The following FAM151B variants were observed in gnomAD, a reference collection of about 807,000 sequenced individuals.
FAM151B encodes the protein protein FAM151B.
FAM151B carries 24 observed loss-of-function variants against 31.2 expected under a neutral mutation model. The observed-to-expected ratio is 0.77, with a 90% confidence interval of 0.56 to 1.08. The LOEUF (loss-of-function observed/expected upper bound fraction) is 1.08, where lower values mean the gene tolerates loss of function less well. FAM151B is among the 50% of genes least tolerant of loss of function. The pLI is 0.00. For synonymous variants in FAM151B, 105 were observed against 111.4 expected (o/e 0.94, Z 0.36); for missense variants, 293 against 328.6 (o/e 0.89, Z 0.84).
intron 5 of FAM151B, among the ~76,000 whole-genome samples, chr5:80,527,585 G>C (rs1029366868): frequency 6.6e-6 from 1 of 152,110 alleles, no homozygotes; most frequent in African/African-American, 2.4e-5. Context: ...GAATAATGTA[G>C]GTAATTATAA....
chr5:80,511,603 C>A (rs1744190858), intron 2 of FAM151B, among the ~76,000 whole-genome samples: 1 of 151,658 alleles, frequency 6.6e-6, no homozygotes, highest in South Asian at 2.1e-4. Flanking sequence ...TATTATTTAT[C>A]TTTAAAAAAA....
chr5:80,492,954 A>T (rs570906125), intron 1 of FAM151B, among the ~76,000 whole-genome samples: 1 of 151,828 alleles, frequency 6.6e-6, no homozygotes, highest in African/African-American at 2.4e-5. Flanking sequence ...ACTTGTCTCT[A>T]AAAAAAACAA....
At chr5:80,488,228 C>G (rs1743182060) in intron 1 of FAM151B, 80 bp downstream of exon 1, 1 of 1,468,966 alleles carries the variant, frequency 6.8e-7, no homozygotes. Context: ...CCTTTGCGGG[C>G]TCCCGCGGTC....
At chr5:80,531,018 A>G (rs369706421) in intron 5 of FAM151B, among the ~76,000 whole-genome samples, 7 of 152,256 alleles carry the variant, frequency 4.6e-5, no homozygotes, top group South Asian at 2.1e-4. Context: ...AAAACAGCAT[A>G]GTACTGGTAC....
chr5:80,539,654 G>C lies in FAM151B; in HGVS notation c.672-2019G>C, dbSNP rs1236428151. Among the ~76,000 whole-genome samples, 10 of 152,056 alleles carry C rather than the reference G, an allele frequency of 6.6e-5. No homozygotes were observed. In the East Asian group the frequency reaches 1.9e-3, roughly 29 times the overall value. On this transcript the variant is annotated intron_variant, in intron 5 of 5. Coordinates refer to ENST00000282226, the MANE Select transcript of FAM151B (RefSeq NM_205548.3). ...CTACAGGCGTGCGCCACCACACCCA[G>C]ATAATTTTTTGTATGTTAGTAGAGA...
chr5:80,527,630 T>A (rs1398147156), intron 5 of FAM151B, among the ~76,000 whole-genome samples: 2 of 152,072 alleles, frequency 1.3e-5, no homozygotes, highest in African/African-American at 4.8e-5. Context: ...TAAACATATC[T>A]AAACATAGAC....
intron 3 of FAM151B, among the ~76,000 whole-genome samples, 157 bp downstream of exon 3, chr5:80,513,926 A>G (rs951460128): frequency 6.6e-5 from 10 of 152,198 alleles, no homozygotes; most frequent in African/African-American, 2.4e-4. Flanking sequence ...TGAGTTATTT[A>G]CTAAAATTGT....
intron 2 of FAM151B, among the ~76,000 whole-genome samples, chr5:80,509,842 T>C (rs1352695444): frequency 2.0e-5 from 3 of 152,232 alleles, no homozygotes; most frequent in African/African-American, 7.2e-5. Flanking sequence ...ACAGGTTCAC[T>C]GGGTATCCTG....
At chr5:80,538,513 TTTCCTTCCTTCCTTCC>T (rs60106370) in intron 5 of FAM151B, among the ~76,000 whole-genome samples, 2,328 of 61,504 alleles carry the variant, frequency 0.038, 158 homozygotes, top group South Asian at 0.074. Flanking sequence ...CTTTTCTTTC[TTTCCTTCCTTCCTTCC>T]TTCCTTCCTT....
chr5:80,528,337 C>T (rs1745063968), intron 5 of FAM151B, among the ~76,000 whole-genome samples: 1 of 151,782 alleles, frequency 6.6e-6, no homozygotes, highest in African/African-American at 2.4e-5. Flanking sequence ...CAGAAAACAA[C>T]AAACTGGCAG....
Position 80,538,136 on chromosome 5 carries a change from C to T in FAM151B, c.672-3537C>T, listed in dbSNP as rs571771219. Among the ~76,000 whole-genome samples, 211 of 150,690 alleles carry T rather than the reference C, an allele frequency of 1.4e-3. 3 individuals carry two copies. In the South Asian group the frequency reaches 0.04, roughly 29 times the overall value. ...AGGCTGGAGTTCAGTGGCGCGATTT[C>T]GGGTCACTGCAACCTCCACCTCCCG... On this transcript the variant is annotated intron_variant, in intron 5 of 5. Coordinates refer to ENST00000282226, the MANE Select transcript of FAM151B (RefSeq NM_205548.3).
chr5:80,515,860 C>A (rs956584384), intron 3 of FAM151B, among the ~76,000 whole-genome samples: 5 of 152,152 alleles, frequency 3.3e-5, no homozygotes, highest in Admixed American at 1.3e-4. Context: ...CCGCTTGTCA[C>A]GTAGTTGTTA....
At chr5:80,525,315 G>A (rs1460161424) in intron 5 of FAM151B, among the ~76,000 whole-genome samples, 1 of 152,092 alleles carries the variant, frequency 6.6e-6, no homozygotes, top group Non-Finnish European at 1.5e-5. Flanking sequence ...TTTGAAATAA[G>A]ACACTATCAC....
chr5:80,507,545 G>A (rs1351814799), intron 2 of FAM151B, among the ~76,000 whole-genome samples: 1 of 152,076 alleles, frequency 6.6e-6, no homozygotes, highest in Non-Finnish European at 1.5e-5. Context: ...GCTGGGCATG[G>A]TGGTGCATGC....
intron 3 of FAM151B, among the ~76,000 whole-genome samples, chr5:80,514,978 G>A (rs1258683901): frequency 1.3e-5 from 2 of 152,078 alleles, no homozygotes; most frequent in Non-Finnish European, 2.9e-5. Context: ...GGTGGCTCAC[G>A]CTTGTAATCC....
chr5:80,538,448 C>CTTTCTT (rs1235874356), intron 5 of FAM151B, among the ~76,000 whole-genome samples: 46 of 49,344 alleles, frequency 9.3e-4, no homozygotes, highest in African/African-American at 3.9e-3. Flanking sequence ...TTCTTTCTTT[C>CTTTCTT]TCTTTCTTTC....
chr5:80,507,360 A>G (rs1006953712), intron 2 of FAM151B, among the ~76,000 whole-genome samples: 2 of 152,082 alleles, frequency 1.3e-5, no homozygotes, highest in Admixed American at 6.6e-5. Context: ...ATCCCTGTCT[A>G]CTTAACTTGG....
intron 5 of FAM151B, among the ~76,000 whole-genome samples, chr5:80,538,499 C>T (rs2112681592): frequency 8.8e-6 from 1 of 113,000 alleles, no homozygotes; most frequent in East Asian, 2.3e-4. Flanking sequence ...TCCTTCCTTC[C>T]TTTCTTTTCT....
intron 3 of FAM151B, 120 bp downstream of exon 3, chr5:80,513,889 C>T: frequency 1.9e-6 from 2 of 1,035,628 alleles, no homozygotes; most frequent in Non-Finnish European, 2.7e-6. Flanking sequence ...TATTTCAGGA[C>T]TGAACCTAAA....
Sources: gnomAD v4.1 joint callset for allele counts (sites outside exome capture counted in the v4.1 genomes callset) on GRCh38, gnomAD v4.1.1 for gene constraint, MANE v1.5 for transcripts, NCBI Gene and HGNC (gene_info 2026-07-23, HGNC 2026-07-21) for gene names.